The following CTRC variants were observed in gnomAD, a reference collection of about 807,000 sequenced individuals.
The protein encoded by CTRC is chymotrypsin C.
CTRC carries 32 observed loss-of-function variants against 35.7 expected under a neutral mutation model. The observed-to-expected ratio is 0.90, with a 90% confidence interval of 0.68 to 1.20. The LOEUF (loss-of-function observed/expected upper bound fraction) is 1.20. CTRC is among the 50% of genes most tolerant of loss of function. The pLI is 0.00. For missense variants in CTRC, 324 were observed against 361.5 expected (o/e 0.90, Z 0.84); for synonymous variants, 119 against 149.5 (o/e 0.80, Z 1.49).
chr1:15,446,640 C>T lies in CTRC; in HGVS notation c.*51C>T, dbSNP rs904034912. ...AGTCCCTGCAACAGCAATAAACTTCCTTCTCCTCGGGCCACCTGGATCCTT... is the reference window on the plus strand; with the variant it reads ...AGTCCCTGCAACAGCAATAAACTTCTTTCTCCTCGGGCCACCTGGATCCTT... On this transcript the variant is annotated 3_prime_UTR_variant, in exon 8 of 8. Coordinates refer to ENST00000375949, the MANE Select transcript of CTRC (RefSeq NM_007272.3). 1.2e-6 allele frequency: 2 copies of T among 1,610,086 alleles called. No homozygotes were observed. Among genetic ancestry groups the T allele is most frequent in the East Asian group, 2.2e-5 (1 of 44,872 alleles).
rs373970317 is a variant in CTRC, at chr1:15,445,554, T to TG, written c.640-34dup. 1,869 of 1,529,300 alleles carry TG rather than the reference T, an allele frequency of 1.2e-3. 4 individuals carry two copies. The highest frequency in any genetic ancestry group is 3.6e-3 in the African/African-American group (261 of 73,264). 94.7% of individuals were successfully genotyped at this position (1,529,300 alleles called of 1,614,324 possible). On this transcript the variant is annotated intron_variant, in intron 6 of 7. Coordinates refer to ENST00000375949, the MANE Select transcript of CTRC (RefSeq NM_007272.3). Reference sequence around the variant, plus strand: ...CAGTCCTGCTTCCCAAGACTTCCTCTGGGGGGGGGCCTGGTGGCTTATGCC... The same window carrying TG: ...CAGTCCTGCTTCCCAAGACTTCCTCTGGGGGGGGGGCCTGGTGGCTTATGCC...
intron 3 of CTRC, among the ~76,000 whole-genome samples, chr1:15,441,070 C>T (rs1258887566): frequency 6.6e-6 from 1 of 152,076 alleles, no homozygotes; most frequent in Non-Finnish European, 1.5e-5. Context: ...ATCCCAGCTA[C>T]TCGGGAGGCT....
At chr1:15,444,506 C>T (rs1708185882) in intron 5 of CTRC, 100 bp from the exon 6 acceptor site, 2 of 1,467,226 alleles carry the variant, frequency 1.4e-6, no homozygotes, top group African/African-American at 1.4e-5. Context: ...GCCGGCGCTC[C>T]CCTGGGTCCT....
Position 15,447,400 on chromosome 1 carries a change from C to G in CTRC, c.*811C>G, listed in dbSNP as rs1447741907. On this transcript the variant is annotated 3_prime_UTR_variant, in exon 8 of 8. Coordinates refer to ENST00000375949, the MANE Select transcript of CTRC (RefSeq NM_007272.3). ...CATTAGACAAGTGGGGAAACTGAGG[C>G]CCAGAGAGAGGAAGGAGTTGGGATA... 6.5e-6 allele frequency: 1 copy of G among 153,340 alleles called. No homozygotes were observed. Among genetic ancestry groups the G allele is most frequent in the Non-Finnish European group, 1.5e-5 (1 of 68,688 alleles). The allele number at this position is 153,340 out of a possible 1,614,324, so 9.5% of individuals were successfully genotyped here.
chr1:15,442,701 T>C, intron 4 of CTRC, 129 bp downstream of exon 4: 2 of 1,348,114 alleles, frequency 1.5e-6, no homozygotes. Context: ...AGCCAGCAAA[T>C]GACTGTCTTA....
intron 4 of CTRC, 31 bp from the exon 5 acceptor site, chr1:15,443,388 G>A: frequency 6.2e-7 from 1 of 1,614,062 alleles, no homozygotes; most frequent in South Asian, 1.1e-5. Context: ...GGGCCCTCCT[G>A]CCCACTCACC....
In CTRC at chr1:15,447,161, C is replaced by T. The variant is rs1708234845; in HGVS notation, c.*572C>T. ...CCTAGCAGGGACCCCCCACCCCCAC[C>T]CCGCAGCACAGACCCCATGGCTGCT... On this transcript the variant is annotated 3_prime_UTR_variant, in exon 8 of 8. Transcript: ENST00000375949. 1 of 217,540 alleles carries T rather than the reference C, an allele frequency of 4.6e-6. No individual in the cohort carries two copies. The highest frequency in any genetic ancestry group is 2.3e-5 in the African/African-American group (1 of 43,396). The allele number at this position is 217,540 out of a possible 1,614,324, so 13.5% of individuals were successfully genotyped here. A position where few individuals can be genotyped will look rare whatever the true frequency, so the allele number is the denominator to read the frequency against.
In CTRC at chr1:15,445,725, C is replaced by T. The variant is rs778166573; in HGVS notation, c.768C>T (p.Ser256=). Residue 256 remains serine, a synonymous_variant, in exon 7 of 8, where the codon TCC becomes TCT. Transcript: ENST00000375949. ...RKKPVVYTRV[S]AYIDWINEKM... ...AGCCGGTAGTCTACACCCGGGTGTC[C>T]GCCTACATCGACTGGATCAACGAGG... 57 of 1,614,040 alleles carry T rather than the reference C, an allele frequency of 3.5e-5. No homozygotes were observed. Among genetic ancestry groups the T allele is most frequent in the East Asian group, 4.5e-5 (2 of 44,902 alleles).
At position 15,440,328 on chromosome 1, in the gene CTRC, G is replaced by C; in HGVS notation, c.69G>C (p.Pro23=). 1 of 1,541,370 alleles carries C rather than the reference G, an allele frequency of 6.5e-7. No individual in the cohort carries two copies. ...CCAGCTGTGGGGTGCCCAGCTTCCCGCCCAACCTATCCGCCCGAGTGGTGG... is the reference window on the plus strand; with the variant it reads ...CCAGCTGTGGGGTGCCCAGCTTCCCCCCCAACCTATCCGCCCGAGTGGTGG... ...CASSCGVPSF[P]PNLSARVVGG... Residue 23 remains proline, a synonymous_variant, in exon 2 of 8, where the codon CCG becomes CCC. Coordinates refer to ENST00000375949, the MANE Select transcript of CTRC (RefSeq NM_007272.3).
chr1:15,440,667 TTC>T (rs1423365328), intron 3 of CTRC, 77 bp downstream of exon 3: 1 of 1,292,540 alleles, frequency 7.7e-7, no homozygotes, highest in Non-Finnish European at 1.1e-6. Flanking sequence ...TCTGAGCAGC[TTC>T]TCCGCACTCC....
chr1:15,439,436 A>AAAGAAAAAG (rs1708090609), intron 1 of CTRC, among the ~76,000 whole-genome samples: 3 of 152,006 alleles, frequency 2.0e-5, no homozygotes, highest in Admixed American at 1.3e-4. Flanking sequence ...AAAAAAAAAA[A>AAAGAAAAAG]AAAGAAAAAG....
rs1557508129 is a variant in CTRC at position 15,440,307 on chromosome 1, CT to C, written c.49del (p.Cys17ValfsTer47). The stretch of plus-strand genomic sequence containing the variant: ...GGCCTCCTGTCTCCCCAGCCTCCAG[CT>C]GTGGGGTGCCCAGCTTCCCGCCCAA... The part of the protein sequence containing the change: ...LAALLACASS[C>X]GVPSFPPNLS... On this transcript the variant is annotated frameshift_variant, in exon 2 of 8. Transcript: ENST00000375949. LOFTEE classifies it high-confidence loss of function. The C allele has an allele frequency of 6.2e-7, 1 of 1,607,228 alleles. No homozygotes were observed. Among genetic ancestry groups the C allele is most frequent in the Non-Finnish European group, 8.5e-7 (1 of 1,177,936 alleles).
At position 15,447,839 on chromosome 1, in the gene CTRC, T is replaced by C. The variant is rs1429037590; in HGVS notation, c.*1250T>C. 2.0e-5 allele frequency: 3 copies of C among 152,206 alleles called. No homozygotes were observed. Among genetic ancestry groups the C allele is most frequent in the Non-Finnish European group, 2.9e-5 (2 of 68,066 alleles). 9.4% of individuals were successfully genotyped at this position (152,206 alleles called of 1,614,324 possible). A position where few individuals can be genotyped will look rare whatever the true frequency, so the allele number is the denominator to read the frequency against. ...TGCCAAGGCAAGTCTCAGGAAAGAC[T>C]TGACTTACTCAACAAGCAGTGGGAG... On this transcript the variant is annotated 3_prime_UTR_variant, in exon 8 of 8. Transcript: ENST00000375949.
At chr1:15,442,674 C>G in intron 4 of CTRC, 102 bp downstream of exon 4, 1 of 1,500,626 alleles carries the variant, frequency 6.7e-7, no homozygotes, top group Non-Finnish European at 9.2e-7. Flanking sequence ...ACCTGACACC[C>G]CATCCTCACC....
intron 4 of CTRC, 47 bp downstream of exon 4, chr1:15,442,619 AG>A: frequency 1.2e-6 from 2 of 1,612,310 alleles, no homozygotes; most frequent in Non-Finnish European, 1.7e-6. Context: ...GCAGTGTGGA[AG>A]GAGGGGTCCC....
At chr1:15,439,456 G>A (rs1708091408) in intron 1 of CTRC, among the ~76,000 whole-genome samples, 1 of 151,572 alleles carries the variant, frequency 6.6e-6, no homozygotes, top group Non-Finnish European at 1.5e-5. Context: ...GAAAGAAAAA[G>A]AGGTAGGGTC....
chr1:15,442,463 C>G lies in CTRC; in HGVS notation c.247C>G (p.Arg83Gly), dbSNP rs747679121. The G allele has an allele frequency of 4.3e-5, 70 of 1,613,576 alleles. No homozygotes were observed. The highest frequency in any genetic ancestry group is 5.4e-5 in the Non-Finnish European group (64 of 1,179,808). Residue 83 changes from arginine to glycine, a missense_variant, in exon 4 of 8, where the codon CGT (arginine) becomes GGT (glycine). Coordinates refer to ENST00000375949, the MANE Select transcript of CTRC (RefSeq NM_007272.3). ...TCTGCCCAGCAACACCCGGACCTACCGTGTGGCCGTGGGAAAGAACAACCT... is the reference window on the plus strand; with the variant it reads ...TCTGCCCAGCAACACCCGGACCTACGGTGTGGCCGTGGGAAAGAACAACCT... ...AHCISNTRTY[R>G]VAVGKNNLEV... is the part of the protein sequence containing the mutation.
chr1:15,449,068 T>C lies in CTRC; in HGVS notation c.*2479T>C, dbSNP rs1467245233. 6.6e-6 allele frequency: 1 copy of C among 152,126 alleles called. No individual in the cohort carries two copies. Among genetic ancestry groups the C allele is most frequent in the Non-Finnish European group, 1.5e-5 (1 of 68,042 alleles). The allele number at this position is 152,126 out of a possible 1,614,324, so 9.4% of individuals were successfully genotyped here. A position where few individuals can be genotyped will look rare whatever the true frequency, so the allele number is the denominator to read the frequency against. On this transcript the variant is annotated 3_prime_UTR_variant, in exon 8 of 8. Transcript: ENST00000375949. ...ATGCCCATTTTACAGATGAGAAAACTGAGGCCAGACAGGGTTAGTGACTTC... is the reference window on the plus strand; with the variant it reads ...ATGCCCATTTTACAGATGAGAAAACCGAGGCCAGACAGGGTTAGTGACTTC...
At position 15,440,349 on chromosome 1, in the gene CTRC, G is replaced by A. The variant is rs553816883; in HGVS notation, c.90G>A (p.Val30=). The A allele has an allele frequency of 6.2e-7, 1 of 1,611,906 alleles. No individual in the cohort carries two copies. The highest frequency in any genetic ancestry group is 1.3e-5 in the African/African-American group (1 of 74,964). The change falls in exon 2 of 8, where the codon GTG becomes GTA. Residue 30 remains valine, a synonymous_variant. Transcript: ENST00000375949. ...TCCCGCCCAACCTATCCGCCCGAGT[G>A]GTGGGAGGAGAGGATGCCCGGCCCC... ...PSFPPNLSAR[V]VGGEDARPHS...
Sources: allele counts gnomAD v4.1 joint callset (sites outside exome capture counted in the v4.1 genomes callset), GRCh38; gene constraint gnomAD v4.1.1; transcripts MANE v1.5; gene names NCBI Gene and HGNC (gene_info 2026-07-23, HGNC 2026-07-21).